Variants in SLC9A9 observed in about 807,000 individuals in gnomAD.
SLC9A9 encodes the protein sodium/hydrogen exchanger 9.
In SLC9A9, 62 loss-of-function variants were observed where a neutral mutation model predicts 77.8. The ratio of observed to expected loss-of-function variants is 0.80; its 90% confidence interval spans 0.65 to 0.98. The LOEUF is 0.98. SLC9A9 is among the 50% of genes least tolerant of loss of function. The pLI is 0.00. For missense variants in SLC9A9, 775 were observed against 774.9 expected (o/e 1.00, Z 0.00); for synonymous variants, 320 against 283.5 (o/e 1.13, Z -1.29).
intron 12 of SLC9A9, among the ~76,000 whole-genome samples, chr3:143,460,628 G>A (rs1246833548): frequency 2.6e-5 from 4 of 152,228 alleles, no homozygotes; most frequent in African/African-American, 9.6e-5. Context: ...CAGAGAAGAC[G>A]ACTAAGAACA....
chr3:143,424,286 A>G (rs1325080658), intron 12 of SLC9A9, among the ~76,000 whole-genome samples: 1 of 103,596 alleles, frequency 9.7e-6, no homozygotes, highest in Non-Finnish European at 2.2e-5. Context: ...TTTTTTTTTG[A>G]GACAGAGTCT....
At position 143,833,461 on chromosome 3, in the gene SLC9A9, C is replaced by T. The variant is rs555975696; in HGVS notation, c.176-1240G>A. 7.2e-5 allele frequency among the ~76,000 whole-genome samples: 11 copies of T among 152,256 alleles called. No individual in the cohort carries two copies. In the South Asian group the frequency reaches 1.2e-3, roughly 17 times the overall value. On this transcript the variant is annotated intron_variant, in intron 1 of 15. Transcript: ENST00000316549. ...ACATGAGTATAGACAGGGGGTATTC[C>T]GAAGCCCTTTGAATTATGCAAAGCT...
At chr3:143,363,727 A>G (rs1337662283) in intron 13 of SLC9A9, among the ~76,000 whole-genome samples, 164 bp from the exon 14 acceptor site, 2 of 152,234 alleles carry the variant, frequency 1.3e-5, no homozygotes. Context: ...AAATTAGCTC[A>G]TAAATCTTGC....
At chr3:143,403,140 A>C (rs1576474079) in intron 12 of SLC9A9, among the ~76,000 whole-genome samples, 1 of 152,128 alleles carries the variant, frequency 6.6e-6, no homozygotes, top group East Asian at 1.9e-4. Flanking sequence ...CTTTATATCA[A>C]TCTTGCATCT....
At chr3:143,625,425 C>A (rs1176896220) in intron 6 of SLC9A9, among the ~76,000 whole-genome samples, 2 of 152,064 alleles carry the variant, frequency 1.3e-5, no homozygotes, top group Non-Finnish European at 2.9e-5. Context: ...AGATATAGAC[C>A]AATGGAACAG....
chr3:143,475,778 C>T (rs1157960629), intron 11 of SLC9A9, among the ~76,000 whole-genome samples: 2 of 131,190 alleles, frequency 1.5e-5, no homozygotes, highest in Admixed American at 8.3e-5. Context: ...GGCGACAGAG[C>T]GAGACTCCAT....
intron 11 of SLC9A9, among the ~76,000 whole-genome samples, chr3:143,472,394 G>A (rs867842285): frequency 2.8e-4 from 42 of 152,296 alleles, no homozygotes; most frequent in Middle Eastern, 6.8e-3. Flanking sequence ...TAAATGGTGA[G>A]GCAAAAGAGA....
intron 12 of SLC9A9, among the ~76,000 whole-genome samples, chr3:143,389,315 G>A (rs1051329631): frequency 6.6e-6 from 1 of 152,170 alleles, no homozygotes. Flanking sequence ...TACTGTAATG[G>A]TCCAACCAAG....
intron 8 of SLC9A9, among the ~76,000 whole-genome samples, chr3:143,560,472 T>C (rs1180386472): frequency 6.6e-6 from 1 of 152,204 alleles, no homozygotes; most frequent in East Asian, 1.9e-4. Context: ...TTTCAAAAAA[T>C]GTTTTAAAAT....
At chr3:143,456,549 A>G (rs764580684) in intron 12 of SLC9A9, among the ~76,000 whole-genome samples, 3 of 149,498 alleles carry the variant, frequency 2.0e-5, no homozygotes, top group Non-Finnish European at 4.4e-5. Context: ...TTTAAACTCT[A>G]AATTCTATTT....
chr3:143,840,766 T>C (rs2009686657), intron 1 of SLC9A9, among the ~76,000 whole-genome samples: 1 of 152,096 alleles, frequency 6.6e-6, no homozygotes. Context: ...AGAGCAGACT[T>C]GGATGAGAGA....
In SLC9A9 at chr3:143,265,452, C is replaced by G. The variant is rs1371046448; in HGVS notation, c.*1250G>C. ...AACAAACAGTGGTCAGCAAAGCATA[C>G]ATTACTTTTAAGCTTTGGGTCCAAG... On this transcript the variant is annotated 3_prime_UTR_variant, in exon 16 of 16. Coordinates refer to ENST00000316549, the MANE Select transcript of SLC9A9 (RefSeq NM_173653.4). The G allele has an allele frequency of 4.4e-5, 7 of 157,766 alleles. No homozygotes were observed. Among genetic ancestry groups the G allele is most frequent in the Non-Finnish European group, 1.4e-5 (1 of 71,710 alleles). 9.8% of individuals were successfully genotyped at this position (157,766 alleles called of 1,614,324 possible). A position where few individuals can be genotyped will look rare whatever the true frequency, so the allele number is the denominator to read the frequency against.
intron 11 of SLC9A9, among the ~76,000 whole-genome samples, chr3:143,480,612 G>T (rs888714292): frequency 1.3e-5 from 2 of 152,128 alleles, no homozygotes; most frequent in African/African-American, 4.8e-5. Context: ...CCATAGCTTT[G>T]CTCACTAATG....
intron 6 of SLC9A9, among the ~76,000 whole-genome samples, chr3:143,636,549 G>A (rs974316627): frequency 2.6e-5 from 4 of 152,114 alleles, no homozygotes; most frequent in Non-Finnish European, 5.9e-5. Context: ...GTGAAGCCTG[G>A]GCTTTTAGTG....
intron 9 of SLC9A9, among the ~76,000 whole-genome samples, chr3:143,535,770 ATTC>A (rs961931580): frequency 2.6e-5 from 4 of 152,160 alleles, no homozygotes; most frequent in Non-Finnish European, 5.9e-5. Context: ...TACACATTTG[ATTC>A]TTCTTTACAT....
chr3:143,374,289 G>GTGGC (rs1247354788), intron 13 of SLC9A9, among the ~76,000 whole-genome samples: 1 of 151,784 alleles, frequency 6.6e-6, no homozygotes, highest in Admixed American at 6.6e-5. Flanking sequence ...GCCGGGCGTG[G>GTGGC]TGGCGGGCGC....
intron 12 of SLC9A9, among the ~76,000 whole-genome samples, chr3:143,423,353 A>G (rs2034344650): frequency 6.6e-6 from 1 of 151,972 alleles, no homozygotes; most frequent in Non-Finnish European, 1.5e-5. Context: ...ACCTAGCACC[A>G]TATCTTGGCT....
chr3:143,761,927 A>T (rs1337772851), intron 4 of SLC9A9, among the ~76,000 whole-genome samples: 1 of 152,210 alleles, frequency 6.6e-6, no homozygotes, highest in African/African-American at 2.4e-5. Context: ...AATAGCAAAG[A>T]CATGGAACCA....
At chr3:143,470,957 G>C (rs1457239586) in intron 11 of SLC9A9, among the ~76,000 whole-genome samples, 2 of 152,100 alleles carry the variant, frequency 1.3e-5, no homozygotes, top group East Asian at 3.8e-4. Flanking sequence ...ATTTACAGGA[G>C]ATGCAATGCA....
Sources: allele counts gnomAD v4.1 joint callset (sites outside exome capture counted in the v4.1 genomes callset), GRCh38; gene constraint gnomAD v4.1.1; transcripts MANE v1.5; gene names NCBI Gene and HGNC (gene_info 2026-07-23, HGNC 2026-07-21).